Variants in NYAP2 observed in about 807,000 individuals in gnomAD.
NYAP2 encodes the protein neuronal tyrosine-phosphorylated phosphoinositide-3-kinase adaptor 2.
Under a neutral mutation model 50.4 loss-of-function variants are expected in NYAP2, and 23 were observed. The observed-to-expected ratio is 0.46, with a 90% confidence interval of 0.33 to 0.65. NYAP2 has a LOEUF of 0.65. Ranked by LOEUF, NYAP2 falls within the 30% of genes least tolerant of loss-of-function variation. NYAP2 has a pLI of 0.02. For synonymous variants in NYAP2, 394 were observed against 365.2 expected (o/e 1.08, Z -0.90); for missense variants, 885 against 861.0 (o/e 1.03, Z -0.35).
Position 225,620,441 on chromosome 2 carries a change from ACGCACACGCACGCACACACG to A in NYAP2, c.1619-6471_1619-6452del, listed in dbSNP as rs1559232038. Among the ~76,000 whole-genome samples, 193 of 108,630 alleles carry A rather than the reference ACGCACACGCACGCACACACG, an allele frequency of 1.8e-3. 4 individuals are homozygous for A. Among genetic ancestry groups the A allele is most frequent in the Admixed American group, 6.0e-4 (6 of 9,966 alleles). 71.3% of individuals were successfully genotyped at this position (108,630 alleles called of 152,430 possible). A position where few individuals can be genotyped will look rare whatever the true frequency, so the allele number is the denominator to read the frequency against. On this transcript the variant is annotated intron_variant, in intron 5 of 6. Coordinates refer to ENST00000636099, the Ensembl canonical transcript of NYAP2. ...TGCACGCACACGCACGCACACACGC[ACGCACACGCACGCACACACG>A]CGCATGCACACGCACACGCACGCAC...
intron 4 of NYAP2, among the ~76,000 whole-genome samples, chr2:225,520,824 C>A (rs2106190888): frequency 6.6e-6 from 1 of 152,228 alleles, no homozygotes; most frequent in Admixed American, 6.5e-5. Context: ...TCATTGGTAG[C>A]TTGATGGGGA....
intron 3 of NYAP2, among the ~76,000 whole-genome samples, chr2:225,466,079 A>C (rs1287598248): frequency 6.6e-6 from 1 of 152,210 alleles, no homozygotes; most frequent in Non-Finnish European, 1.5e-5. Flanking sequence ...GAATGGCTTG[A>C]GCACTTTGCA....
intron 5 of NYAP2, among the ~76,000 whole-genome samples, chr2:225,597,390 A>G (rs1483784757): frequency 6.7e-6 from 1 of 150,336 alleles, no homozygotes; most frequent in Non-Finnish European, 1.5e-5. Context: ...GTGAGAACAT[A>G]CAATGTTTGT....
chr2:225,412,578 A>G (rs1014031692), intron 3 of NYAP2, among the ~76,000 whole-genome samples: 1 of 152,092 alleles, frequency 6.6e-6, no homozygotes, highest in Non-Finnish European at 1.5e-5. Flanking sequence ...GTCAATACAT[A>G]GATTTAAATC....
In NYAP2 at chr2:225,516,472, C is replaced by T. The variant is rs188105082; in HGVS notation, c.523+2800C>T. ...GTGTTCAGTGGGCTACATAAGTTGT[C>T]GGGACCCAGTGCAGAAATGGTAGAC... On this transcript the variant is annotated intron_variant, in intron 4 of 6. Transcript: ENST00000636099. 1.2e-4 allele frequency among the ~76,000 whole-genome samples: 19 copies of T among 152,170 alleles called. No homozygotes were observed. In the East Asian group the frequency reaches 2.9e-3, roughly 23 times the overall value.
In NYAP2 at chr2:225,571,381, A is replaced by G. The variant is rs146210630; in HGVS notation, c.524-10560A>G. On this transcript the variant is annotated intron_variant, in intron 4 of 6. Coordinates refer to ENST00000636099, the Ensembl canonical transcript of NYAP2. Reference sequence around the variant, plus strand: ...ACTGCCATAGCAGAGGTTCTCCATGAGGACTCTGCTTCTTCAGCAAACTTC... The same window carrying G: ...ACTGCCATAGCAGAGGTTCTCCATGGGGACTCTGCTTCTTCAGCAAACTTC... Among the ~76,000 whole-genome samples, 36 of 152,346 alleles carry G rather than the reference A, an allele frequency of 2.4e-4. No homozygotes were observed. The East Asian group carries it at 6.9e-3, about 29-fold the overall frequency.
intron 3 of NYAP2, among the ~76,000 whole-genome samples, chr2:225,420,696 T>C (rs1695200591): frequency 6.6e-6 from 1 of 151,412 alleles, no homozygotes; most frequent in Non-Finnish European, 1.5e-5. Context: ...CTGCAACCTC[T>C]ACCTCCCAAG....
At chr2:225,556,019 A>G (rs1031165277) in intron 4 of NYAP2, among the ~76,000 whole-genome samples, 1 of 152,178 alleles carries the variant, frequency 6.6e-6, no homozygotes, top group African/African-American at 2.4e-5. Context: ...TGACTTATGT[A>G]TTATGGTTGT....
At chr2:225,587,119 T>G (rs1234055793) in intron 5 of NYAP2, among the ~76,000 whole-genome samples, 1 of 152,170 alleles carries the variant, frequency 6.6e-6, no homozygotes, top group East Asian at 1.9e-4. Context: ...CCCCCATGAT[T>G]CAATCACCTC....
chr2:225,601,040 C>A (rs1692682127), intron 5 of NYAP2, among the ~76,000 whole-genome samples: 1 of 151,698 alleles, frequency 6.6e-6, no homozygotes, highest in African/African-American at 2.4e-5. Flanking sequence ...GTATGATAAT[C>A]TGTTTGAGAT....
chr2:225,587,114 A>T (rs1007158589), intron 5 of NYAP2, among the ~76,000 whole-genome samples: 3 of 152,178 alleles, frequency 2.0e-5, no homozygotes, highest in African/African-American at 7.2e-5. Context: ...AACCACCCCC[A>T]TGATTCAATC....
At chr2:225,408,752 T>G in intron 2 of NYAP2, 112 bp from the exon 3 acceptor site, 2 of 596,664 alleles carry the variant, frequency 3.4e-6, no homozygotes, top group Non-Finnish European at 6.0e-6. Flanking sequence ...AGATATTTTC[T>G]CCAATCGGAT....
chr2:225,437,556 C>A (rs1431011438), intron 3 of NYAP2, among the ~76,000 whole-genome samples: 2 of 152,140 alleles, frequency 1.3e-5, no homozygotes, highest in African/African-American at 4.8e-5. Flanking sequence ...CTAATTGGAA[C>A]AAAGTCACAA....
At chr2:225,630,872 G>A (rs552906306) in intron 6 of NYAP2, among the ~76,000 whole-genome samples, 2 of 152,330 alleles carry the variant, frequency 1.3e-5, no homozygotes, top group Non-Finnish European at 2.9e-5. Context: ...CAAGATTTAC[G>A]AGGGAAAGTC....
intron 3 of NYAP2, among the ~76,000 whole-genome samples, chr2:225,490,140 A>C (rs766067904): frequency 2.6e-5 from 4 of 152,138 alleles, no homozygotes; most frequent in Non-Finnish European, 5.9e-5. Flanking sequence ...CCTTTAATTC[A>C]TATCTATCCA....
intron 4 of NYAP2, among the ~76,000 whole-genome samples, chr2:225,546,139 A>T (rs1264337480): frequency 6.6e-6 from 1 of 152,158 alleles, no homozygotes; most frequent in Non-Finnish European, 1.5e-5. Context: ...ACCTGAACCC[A>T]GCAGAGAATT....
the NYAP2 span, chr2:225,698,298 ACT>A: frequency 6.6e-6 from 1 of 152,208 alleles, no homozygotes; most frequent in Non-Finnish European, 1.5e-5. Flanking sequence ...TTCTGTATTC[ACT>A]CTTTCTTTTT....
chr2:225,645,316 G>C (rs1423469864), intron 6 of NYAP2, among the ~76,000 whole-genome samples: 1 of 151,686 alleles, frequency 6.6e-6, no homozygotes, highest in Non-Finnish European at 1.5e-5. Flanking sequence ...TAATAAAATT[G>C]ATGATGGTGA....
the NYAP2 span, among the ~76,000 whole-genome samples, chr2:225,697,560 TA>T: frequency 2.0e-5 from 3 of 151,912 alleles, no homozygotes; most frequent in Non-Finnish European, 2.9e-5. Context: ...ATTTCAAGAA[TA>T]AAAAAACATT....
Sources: allele counts gnomAD v4.1 joint callset (sites outside exome capture counted in the v4.1 genomes callset), GRCh38; gene constraint gnomAD v4.1.1; transcripts MANE v1.5; gene names NCBI Gene and HGNC (gene_info 2026-07-23, HGNC 2026-07-21).